The following MBOAT1 variants were observed in gnomAD, a reference collection of about 807,000 sequenced individuals.
The protein encoded by MBOAT1 is membrane-bound glycerophospholipid O-acyltransferase 1.
In MBOAT1, 67 loss-of-function variants were observed where a neutral mutation model predicts 64.4. The ratio of observed to expected loss-of-function variants is 1.04; its 90% CI spans 0.85 to 1.27. The LOEUF (loss-of-function observed/expected upper bound fraction) is 1.27, where lower values mean the gene tolerates loss of function less well. MBOAT1 is among the 50% of genes most tolerant of loss of function. The pLI is 0.00. For synonymous variants in MBOAT1, 229 were observed against 218.9 expected, an observed-to-expected ratio of 1.05 and a Z score of -0.41; for missense variants, 563 against 604.6, an observed-to-expected ratio of 0.93 and a Z score of 0.72.
At chr6:20,166,811 C>T (rs576460791) in intron 1 of MBOAT1, among the ~76,000 whole-genome samples, 1 of 152,144 alleles carries the variant, frequency 6.6e-6, no homozygotes, top group African/African-American at 2.4e-5. Flanking sequence ...TGATGACTTG[C>T]ACCTGTAGTC....
At chr6:20,202,347 T>TTTACGTTTTGTTTTG (rs1561787348) in intron 1 of MBOAT1, among the ~76,000 whole-genome samples, 1 of 90,256 alleles carries the variant, frequency 1.1e-5, no homozygotes, top group Non-Finnish European at 3.0e-5. Context: ...AGTTCCCTGG[T>TTTACGTTTTGTTTTG]TTTCGTTTTG....
At chr6:20,123,049 T>C (rs1282985206) in intron 8 of MBOAT1, among the ~76,000 whole-genome samples, 1 of 152,000 alleles carries the variant, frequency 6.6e-6, no homozygotes, top group African/African-American at 2.4e-5. Context: ...AGGCTGGTCT[T>C]GAACTCCTGG....
intron 1 of MBOAT1, among the ~76,000 whole-genome samples, chr6:20,188,360 G>C (rs1762713143): frequency 6.6e-6 from 1 of 152,144 alleles, no homozygotes; most frequent in East Asian, 1.9e-4. Context: ...AGAAAATCCT[G>C]CTTCCTCCTG....
chr6:20,162,003 G>A (rs975766537), intron 1 of MBOAT1, among the ~76,000 whole-genome samples: 1 of 152,104 alleles, frequency 6.6e-6, no homozygotes, highest in South Asian at 2.1e-4. Flanking sequence ...GCTCCAGATG[G>A]CCGTCTTCTC....
intron 1 of MBOAT1, among the ~76,000 whole-genome samples, chr6:20,160,988 C>G (rs556946319): frequency 1.8e-4 from 27 of 152,300 alleles, no homozygotes; most frequent in Non-Finnish European, 3.4e-4. Context: ...GGGTTCCCAA[C>G]CCCCCGGGCC....
intron 1 of MBOAT1, among the ~76,000 whole-genome samples, chr6:20,173,776 C>T (rs936823723): frequency 6.6e-6 from 1 of 152,086 alleles, no homozygotes; most frequent in Non-Finnish European, 1.5e-5. Context: ...CATGATGAAA[C>T]CCTGTCTCTA....
chr6:20,210,117 C>T (rs544754450), intron 1 of MBOAT1, among the ~76,000 whole-genome samples: 11 of 152,292 alleles, frequency 7.2e-5, no homozygotes, highest in South Asian at 2.1e-4. Flanking sequence ...GATACAAGAA[C>T]CTTCCTAATG....
chr6:20,183,739 A>C (rs1252636164), intron 1 of MBOAT1, among the ~76,000 whole-genome samples: 1 of 152,220 alleles, frequency 6.6e-6, no homozygotes, highest in Non-Finnish European at 1.5e-5. Context: ...TGCCAGCCCC[A>C]AAATGCCATT....
intron 8 of MBOAT1, among the ~76,000 whole-genome samples, chr6:20,120,761 C>G (rs547932571): frequency 6.6e-6 from 1 of 152,274 alleles, no homozygotes; most frequent in South Asian, 2.1e-4. Context: ...AAGAGCCACG[C>G]TGAAAGAGGA....
In MBOAT1 at chr6:20,121,731, T is replaced by C. The variant is rs141820286; in HGVS notation, c.907+2677A>G. On this transcript the variant is annotated intron_variant, in intron 8 of 12. Coordinates refer to ENST00000324607, the MANE Select transcript of MBOAT1 (RefSeq NM_001080480.3). Reference sequence around the variant, plus strand: ...GATACAGAAAATGGGAGCAGGAGGATAGGAAGAGAAAAGAGAAAAGGAAGG... The same window carrying C: ...GATACAGAAAATGGGAGCAGGAGGACAGGAAGAGAAAAGAGAAAAGGAAGG... 7.3e-5 allele frequency among the ~76,000 whole-genome samples: 11 copies of C among 151,494 alleles called. No homozygotes were observed. The East Asian group carries it at 2.1e-3, about 29-fold the overall frequency.
At chr6:20,131,999 C>T (rs867846262) in intron 4 of MBOAT1, among the ~76,000 whole-genome samples, 10 of 152,280 alleles carry the variant, frequency 6.6e-5, no homozygotes, top group Middle Eastern at 3.4e-3. Flanking sequence ...CCTCTCACCT[C>T]AGCCTCCCAA....
chr6:20,193,197 G>A (rs1306945298), intron 1 of MBOAT1, among the ~76,000 whole-genome samples: 2 of 150,876 alleles, frequency 1.3e-5, no homozygotes, highest in Non-Finnish European at 3.0e-5. Flanking sequence ...TAGTAGAGAC[G>A]GGGTTTCACC....
At position 20,109,611 on chromosome 6, in the gene MBOAT1, T is replaced by G. The variant is rs2065649; in HGVS notation, c.1348A>C (p.Ile450Leu). The change falls in exon 12 of 13, where the codon ATC (isoleucine) becomes CTC (leucine). Residue 450 changes from isoleucine to leucine, a missense_variant. Transcript: ENST00000324607. ...ACGGAAACTTACTTGTATAAGCTGA[T>G]GGTCGGTTCAACTGCCAACATCACA... ...PFVMLAVEPT[I>L]SLYKSMYFYL... The G allele has an allele frequency of 5.0e-6, 8 of 1,612,984 alleles. No individual in the cohort carries two copies. The highest frequency in any genetic ancestry group is 6.8e-6 in the Non-Finnish European group (8 of 1,179,332).
chr6:20,133,195 G>C (rs1305293066), intron 4 of MBOAT1, among the ~76,000 whole-genome samples: 2 of 152,200 alleles, frequency 1.3e-5, no homozygotes, highest in African/African-American at 4.8e-5. Flanking sequence ...GAGAGGGAAA[G>C]AGAACTCGGC....
intron 1 of MBOAT1, 131 bp from the exon 2 acceptor site, chr6:20,152,900 T>A (rs921106323): frequency 1.1e-6 from 1 of 933,816 alleles, no homozygotes; most frequent in Admixed American, 3.0e-5. Context: ...TGGCGCAAAC[T>A]CGGCTCACTG....
At chr6:20,165,497 C>T (rs1202204) in intron 1 of MBOAT1, among the ~76,000 whole-genome samples, 36,565 of 152,028 alleles carry the variant, frequency 0.24, 5,100 homozygotes, top group Non-Finnish European at 0.32. Context: ...AATCCTAGCA[C>T]TTTGGGAGGC....
chr6:20,186,478 G>A (rs1762657510), intron 1 of MBOAT1, among the ~76,000 whole-genome samples: 3 of 152,192 alleles, frequency 2.0e-5, no homozygotes, highest in Non-Finnish European at 1.5e-5. Context: ...AGAGAAATGA[G>A]AGTGTGTGAG....
At chr6:20,182,219 TG>T (rs1762529868) in intron 1 of MBOAT1, among the ~76,000 whole-genome samples, 1 of 152,186 alleles carries the variant, frequency 6.6e-6, no homozygotes, top group Non-Finnish European at 1.5e-5. Flanking sequence ...ATCCAGAGGC[TG>T]GGAAGTCCAA....
At chr6:20,190,243 T>C (rs1762768768) in intron 1 of MBOAT1, among the ~76,000 whole-genome samples, 2 of 152,198 alleles carry the variant, frequency 1.3e-5, no homozygotes, top group Admixed American at 6.5e-5. Context: ...TTCACCCACC[T>C]TGGCCTCCCA....
Sources: allele counts gnomAD v4.1 joint callset (sites outside exome capture counted in the v4.1 genomes callset), GRCh38; gene constraint gnomAD v4.1.1; transcripts MANE v1.5; gene names NCBI Gene and HGNC (gene_info 2026-07-23, HGNC 2026-07-21).